The following IL1RAPL2 variants were observed in gnomAD, a reference collection of about 807,000 sequenced individuals.
IL1RAPL2 encodes X-linked interleukin-1 receptor accessory protein-like 2.
Under a neutral mutation model 44.1 loss-of-function variants are expected in IL1RAPL2, and 3 were observed. The observed-to-expected ratio is 0.07, with a 90% CI of 0.03 to 0.18. The LOEUF is 0.18. IL1RAPL2 is among the 10% of genes least tolerant of loss of function. IL1RAPL2 has a pLI of 1.00. For synonymous variants in IL1RAPL2, 181 were observed against 178.8 expected (o/e 1.01, Z -0.10); for missense variants, 391 against 496.4 (o/e 0.79, Z 2.02).
chrX:105,628,190 AT>A (rs1362307387), intron 6 of IL1RAPL2, among the ~76,000 whole-genome samples: 1 of 109,851 alleles, frequency 9.1e-6, no homozygotes, highest in Non-Finnish European at 1.9e-5. Flanking sequence ...TTCTTTTTTT[AT>A]TATACTTTAA....
intron 2 of IL1RAPL2, among the ~76,000 whole-genome samples, chrX:104,942,529 T>C (rs1925210787): frequency 9.0e-6 from 1 of 111,308 alleles, no homozygotes; most frequent in Admixed American, 9.6e-5. Context: ...ATGCTTGTGA[T>C]TTTTGCACAT....
At chrX:105,451,411 T>G (rs1276391792) in intron 5 of IL1RAPL2, among the ~76,000 whole-genome samples, 1 of 112,072 alleles carries the variant, frequency 8.9e-6, no homozygotes, top group Non-Finnish European at 1.9e-5. Flanking sequence ...ATAATTACTA[T>G]TTCAAAGGAC....
intron 2 of IL1RAPL2, among the ~76,000 whole-genome samples, chrX:105,091,056 A>T (rs929108220): frequency 2.7e-5 from 3 of 112,216 alleles, no homozygotes; most frequent in African/African-American, 9.7e-5. Context: ...TATGTGACTT[A>T]TATAAATTAG....
chrX:105,204,748 G>A (rs1556150061), intron 3 of IL1RAPL2, among the ~76,000 whole-genome samples: 2 of 111,347 alleles, frequency 1.8e-5, no homozygotes, highest in Non-Finnish European at 3.8e-5. Flanking sequence ...TATTACTTAC[G>A]AATTGTGTGA....
intron 5 of IL1RAPL2, among the ~76,000 whole-genome samples, chrX:105,375,268 T>C (rs979359918): frequency 2.7e-5 from 3 of 110,840 alleles, no homozygotes; most frequent in Admixed American, 9.7e-5. Flanking sequence ...TCCCAGCACT[T>C]TGGGAGGCTG....
At chrX:104,679,605 G>A (rs1469203676) in intron 2 of IL1RAPL2, among the ~76,000 whole-genome samples, 1 of 111,683 alleles carries the variant, frequency 9.0e-6, no homozygotes, top group Non-Finnish European at 1.9e-5. Context: ...CATATTCTCT[G>A]ACTTTTCATG....
chrX:104,812,199 T>A (rs886624026), intron 2 of IL1RAPL2, among the ~76,000 whole-genome samples: 4 of 111,552 alleles, frequency 3.6e-5, no homozygotes, highest in African/African-American at 1.3e-4. Flanking sequence ...TTCCAGCCTG[T>A]GATCCTAGAC....
intron 6 of IL1RAPL2, among the ~76,000 whole-genome samples, chrX:105,574,666 T>C (rs1234269793): frequency 8.9e-6 from 1 of 111,981 alleles, no homozygotes; most frequent in Non-Finnish European, 1.9e-5. Context: ...AGATAGCAAG[T>C]GGTTTTGTGG....
intron 2 of IL1RAPL2, among the ~76,000 whole-genome samples, chrX:104,767,108 A>G (rs1221508108): frequency 2.7e-5 from 3 of 111,581 alleles, no homozygotes; most frequent in African/African-American, 9.8e-5. Flanking sequence ...TTTCCTGAAA[A>G]CCTAGTACAT....
At chrX:105,435,583 A>G (rs1416541288) in intron 5 of IL1RAPL2, among the ~76,000 whole-genome samples, 1 of 112,005 alleles carries the variant, frequency 8.9e-6, no homozygotes, top group Non-Finnish European at 1.9e-5. Flanking sequence ...TTATAAAAAT[A>G]CATGCACACA....
At chrX:105,329,289 G>T (rs2147692915) in intron 5 of IL1RAPL2, among the ~76,000 whole-genome samples, 1 of 111,579 alleles carries the variant, frequency 9.0e-6, no homozygotes, top group African/African-American at 3.2e-5. Context: ...AGAATTGGGA[G>T]AAATCTTAGA....
intron 2 of IL1RAPL2, among the ~76,000 whole-genome samples, chrX:104,699,727 G>A (rs1268996728): frequency 9.0e-6 from 1 of 111,344 alleles, no homozygotes; most frequent in East Asian, 2.8e-4. Context: ...AACACAACCA[G>A]CCCCATTCAT....
At chrX:105,217,655 G>A (rs1191907213) in intron 3 of IL1RAPL2, among the ~76,000 whole-genome samples, 1 of 112,194 alleles carries the variant, frequency 8.9e-6, no homozygotes, top group Non-Finnish European at 1.9e-5. Flanking sequence ...GCACACATAT[G>A]TTTATTGCGG....
chrX:104,698,888 T>A (rs1420681248), intron 2 of IL1RAPL2, among the ~76,000 whole-genome samples: 1 of 111,939 alleles, frequency 8.9e-6, no homozygotes, highest in Non-Finnish European at 1.9e-5. Flanking sequence ...GTGAGGGCTA[T>A]ACTTCTATAA....
chrX:104,956,461 AGTGTGTGTGT>A (rs59541869), intron 2 of IL1RAPL2, among the ~76,000 whole-genome samples: 3 of 84,087 alleles, frequency 3.6e-5, no homozygotes, highest in South Asian at 1.4e-3. Context: ...GTCTCTACTA[AGTGTGTGTGT>A]GTGTGTGTGT....
At chrX:105,688,567 A>T (rs1418969477) in intron 6 of IL1RAPL2, among the ~76,000 whole-genome samples, 1 of 111,925 alleles carries the variant, frequency 8.9e-6, no homozygotes, top group African/African-American at 3.2e-5. Context: ...TCAACGAAAT[A>T]AAAGAGGACA....
At chrX:105,041,540 A>G (rs755818471) in intron 2 of IL1RAPL2, among the ~76,000 whole-genome samples, 20 of 110,254 alleles carry the variant, frequency 1.8e-4, no homozygotes, top group African/African-American at 5.3e-4. Flanking sequence ...GACCTCTTCA[A>G]GGAGAACTAC....
intron 2 of IL1RAPL2, among the ~76,000 whole-genome samples, chrX:104,752,889 C>T (rs1448418458): frequency 9.1e-6 from 1 of 109,984 alleles, no homozygotes. Flanking sequence ...TTGTGTTTCT[C>T]CTGCACAGAC....
intron 7 of IL1RAPL2, among the ~76,000 whole-genome samples, chrX:105,730,759 A>G (rs957097469): frequency 8.9e-6 from 1 of 111,790 alleles, no homozygotes; most frequent in South Asian, 3.7e-4. Flanking sequence ...ATGTCCCTGC[A>G]CAACGACTGA....
Sources: allele counts gnomAD v4.1 joint callset (sites outside exome capture counted in the v4.1 genomes callset), GRCh38; gene constraint gnomAD v4.1.1; transcripts MANE v1.5; gene names NCBI Gene and HGNC (gene_info 2026-07-23, HGNC 2026-07-21).